The following MUSTN1 variants were observed in gnomAD, a reference collection of about 807,000 sequenced individuals.
MUSTN1 encodes musculoskeletal, embryonic nuclear protein 1.
In MUSTN1, 14 loss-of-function variants were observed where a neutral mutation model predicts 11.8. The observed-to-expected ratio is 1.18, with a 90% confidence interval of 0.78 to 1.85. The LOEUF (loss-of-function observed/expected upper bound fraction) is 1.85, where lower values mean the gene tolerates loss of function less well. MUSTN1 is among the 40% of genes most tolerant of loss of function. The pLI, the probability that MUSTN1 is intolerant of heterozygous loss-of-function variation, is 0.00. For synonymous variants in MUSTN1, 42 were observed against 43.3 expected (o/e 0.97, Z 0.12); for missense variants, 111 against 108.8 (o/e 1.02, Z -0.09).
chr3:52,833,377 C>A lies in MUSTN1; in HGVS notation c.196G>T (p.Glu66Ter). The A allele has an allele frequency of 4.3e-6, 7 of 1,613,940 alleles. No homozygotes were observed. Among genetic ancestry groups the A allele is most frequent in the Non-Finnish European group, 5.9e-6 (7 of 1,179,876 alleles). Residue 66 changes from glutamate (E) to a stop codon, truncating the protein, a stop_gained, in exon 3 of 3, where the codon GAG becomes TAG. Transcript: ENST00000446157. LOFTEE classifies it high-confidence loss of function. ...SVFSRTRTGT[E>*]TVFEKPKAGP... ...GCTTTGGGCTTCTCAAAGACAGTCT[C>A]GGTACCTGTGCGGGTGCGGCTGAAC...
rs924539749 is a variant in MUSTN1 at position 52,833,437 on chromosome 3, G to A, written c.143-7C>T. On this transcript the variant is annotated splice_region_variant and splice_polypyrimidine_tract_variant and intron_variant, in intron 2 of 2. Coordinates refer to ENST00000446157, the MANE Select transcript of MUSTN1 (RefSeq NM_205853.4). ...GCGGCCGAGCCAGCTTGCTCTGTGG[G>A]AGGAGGTAAAGTCAGGGGCCAGCCT... 1 of 1,610,514 alleles carries A rather than the reference G, an allele frequency of 6.2e-7. No individual in the cohort carries two copies. The highest frequency in any genetic ancestry group is 1.3e-5 in the African/African-American group (1 of 74,924).
chr3:52,834,044 G>A lies in MUSTN1; in HGVS notation c.10-295C>T, dbSNP rs532756678. Among the ~76,000 whole-genome samples, 20 of 152,296 alleles carry A rather than the reference G, an allele frequency of 1.3e-4. No individual in the cohort carries two copies. The East Asian group carries it at 3.7e-3, about 28-fold the overall frequency. ...GGCTACCTGGTCAAGCTCAGGACTG[G>A]GCACAGTGGGGAACAGCGAAGGGGA... On this transcript the variant is annotated intron_variant, in intron 1 of 2. Transcript: ENST00000446157.
chr3:52,833,271 G>C lies in MUSTN1; in HGVS notation c.*53C>G. On this transcript the variant is annotated 3_prime_UTR_variant, in exon 3 of 3. Coordinates refer to ENST00000446157, the MANE Select transcript of MUSTN1 (RefSeq NM_205853.4). ...TTCTGGCATAAAAAAGAGTTCCTGG[G>C]AAAGGCTCCTGTTTCCGAGCATTCG... 3 of 1,609,680 alleles carry C rather than the reference G, an allele frequency of 1.9e-6. No individual in the cohort carries two copies. The highest frequency in any genetic ancestry group is 1.7e-6 in the Non-Finnish European group (2 of 1,177,758).
At position 52,833,350 on chromosome 3, in the gene MUSTN1, C is replaced by T. The variant is rs201153207; in HGVS notation, c.223G>A (p.Gly75Arg). The change falls in exon 3 of 3, where the codon GGA (glycine) becomes AGA (arginine). Residue 75 changes from glycine (G) to arginine (R), a missense_variant. By Grantham distance (125) the Gly-to-Arg change is moderately radical. Coordinates refer to ENST00000446157, the MANE Select transcript of MUSTN1 (RefSeq NM_205853.4). ...TETVFEKPKA[G>R]PTKSVFG ...CAGCCGAAGACACTCTTGGTGGGTC[C>T]GGCTTTGGGCTTCTCAAAGACAGTC... 8.9e-5 allele frequency: 143 copies of T among 1,613,844 alleles called. No homozygotes were observed. Among genetic ancestry groups the T allele is most frequent in the South Asian group, 7.7e-5 (7 of 91,054 alleles).
At chr3:52,834,727 C>T in intron 1 of MUSTN1, 1 of 693,620 alleles carries the variant, frequency 1.4e-6, no homozygotes, top group Non-Finnish European at 2.6e-6. Flanking sequence ...CATTTCTCTC[C>T]ACTCCTCCTA....
chr3:52,833,476 G>A (rs774703171), intron 2 of MUSTN1, 46 bp from the exon 3 acceptor site: 12 of 1,597,622 alleles, frequency 7.5e-6, no homozygotes, highest in African/African-American at 1.3e-5. Context: ...TTCCTGGGAG[G>A]GAAGATCCCT....
Position 52,833,760 on chromosome 3 carries a change from C to G in MUSTN1, c.10-11G>C. 6.4e-7 allele frequency: 1 copy of G among 1,572,042 alleles called. No individual in the cohort carries two copies. The highest frequency in any genetic ancestry group is 8.6e-7 in the Non-Finnish European group (1 of 1,158,200). The stretch of plus-strand genomic sequence containing the variant: ...TTCCTGAGCACCAGCCTTGGAGATC[C>G]AAGAGCCTCATCTTACTACCTGAAG... On this transcript the variant is annotated splice_polypyrimidine_tract_variant and intron_variant, in intron 1 of 2. Coordinates refer to ENST00000446157, the MANE Select transcript of MUSTN1 (RefSeq NM_205853.4).
Position 52,833,299 on chromosome 3 carries a change from C to T in MUSTN1, c.*25G>A. The stretch of plus-strand genomic sequence containing the variant: ...AGGCTCCTGTTTCCGAGCATTCGGG[C>T]AGCAAGGGGAGTGGCGCACACTTCT... On this transcript the variant is annotated 3_prime_UTR_variant, in exon 3 of 3. Coordinates refer to ENST00000446157, the MANE Select transcript of MUSTN1 (RefSeq NM_205853.4). The T allele has an allele frequency of 6.2e-7, 1 of 1,613,564 alleles. No individual in the cohort carries two copies. The highest frequency in any genetic ancestry group is 8.5e-7 in the Non-Finnish European group (1 of 1,179,796).
Position 52,833,620 on chromosome 3 carries a change from ACT to A in MUSTN1, c.137_138del (p.Glu46ValfsTer2). ...IKSKTYQVMR[E>X]CEQAGSAAPS... ...CAGATGGCATGAGGACACTCACCAC[ACT>A]CTCGCATGACCTGGTAGGTCTTGGA... is the stretch of plus-strand genomic sequence containing the variant. On this transcript the variant is annotated frameshift_variant, in exon 2 of 3. Coordinates refer to ENST00000446157, the MANE Select transcript of MUSTN1 (RefSeq NM_205853.4). LOFTEE classifies it high-confidence loss of function. 1 of 1,609,756 alleles carries A rather than the reference ACT, an allele frequency of 6.2e-7. No individual in the cohort carries two copies. The highest frequency in any genetic ancestry group is 1.3e-5 in the African/African-American group (1 of 74,576).
rs1174104274 is a variant in MUSTN1, at chr3:52,833,387, G to A, written c.186C>T (p.Arg62=). Residue 62 remains arginine (R), a synonymous_variant, in exon 3 of 3, where the codon CGC becomes CGT. Coordinates refer to ENST00000446157, the MANE Select transcript of MUSTN1 (RefSeq NM_205853.4). The part of the protein sequence containing the change: ...SAAPSVFSRT[R]TGTETVFEKP... ...TCTCAAAGACAGTCTCGGTACCTGT[G>A]CGGGTGCGGCTGAACACCGACGGGG... The A allele has an allele frequency of 6.2e-7, 1 of 1,613,794 alleles. No homozygotes were observed. Among genetic ancestry groups the A allele is most frequent in the Non-Finnish European group, 8.5e-7 (1 of 1,179,836 alleles).
Position 52,833,291 on chromosome 3 carries a change from C to T in MUSTN1, c.*33G>A, listed in dbSNP as rs778772938. On this transcript the variant is annotated 3_prime_UTR_variant, in exon 3 of 3. Coordinates refer to ENST00000446157, the MANE Select transcript of MUSTN1 (RefSeq NM_205853.4). ...CCTGGGAAAGGCTCCTGTTTCCGAG[C>T]ATTCGGGCAGCAAGGGGAGTGGCGC... 6.2e-7 allele frequency: 1 copy of T among 1,613,436 alleles called. No homozygotes were observed.
chr3:52,833,545 G>A, intron 2 of MUSTN1, 72 bp downstream of exon 2: 2 of 1,584,268 alleles, frequency 1.3e-6, no homozygotes, highest in Non-Finnish European at 1.7e-6. Flanking sequence ...AAGGATCCTT[G>A]ACCACCTCCC....
Position 52,833,763 on chromosome 3 carries a change from GAGCCTCATCTTACTACCTGA to G in MUSTN1, c.10-34_10-15del, listed in dbSNP as rs1194797325. On this transcript the variant is annotated splice_polypyrimidine_tract_variant and intron_variant, in intron 1 of 2. Coordinates refer to ENST00000446157, the MANE Select transcript of MUSTN1 (RefSeq NM_205853.4). ...CTGAGCACCAGCCTTGGAGATCCAA[GAGCCTCATCTTACTACCTGA>G]AGCCTCGGTAGAAAGGCACACCTAC... is the stretch of plus-strand genomic sequence containing the variant. 1 of 1,571,182 alleles carries G rather than the reference GAGCCTCATCTTACTACCTGA, an allele frequency of 6.4e-7. No individual in the cohort carries two copies. The highest frequency in any genetic ancestry group is 1.9e-5 in the Admixed American group (1 of 53,530).
At position 52,833,394 on chromosome 3, in the gene MUSTN1, CG is replaced by C. The variant is rs756159376; in HGVS notation, c.178del (p.Arg60AlafsTer?). The C allele has an allele frequency of 7.4e-6, 12 of 1,613,626 alleles. No individual in the cohort carries two copies. On this transcript the variant is annotated frameshift_variant, in exon 3 of 3. Coordinates refer to ENST00000446157, the MANE Select transcript of MUSTN1 (RefSeq NM_205853.4). LOFTEE classifies it high-confidence loss of function. Reference protein sequence around the residue: ...AGSAAPSVFSRTRTGTETVFE... With the variant: ...AGSAAPSVFSXTRTGTETVFE... The stretch of plus-strand genomic sequence containing the variant: ...GACAGTCTCGGTACCTGTGCGGGTG[CG>C]GCTGAACACCGACGGGGCGGCCGAG...
At position 52,833,417 on chromosome 3, in the gene MUSTN1, C is replaced by G. The variant is rs763855035; in HGVS notation, c.156G>C (p.Ser52=). The G allele has an allele frequency of 7.4e-6, 12 of 1,612,746 alleles. No homozygotes were observed. In the East Asian group the frequency reaches 8.9e-5, roughly 12 times the overall value. ...TGCGGCTGAACACCGACGGGGCGGC[C>G]GAGCCAGCTTGCTCTGTGGGAGGAG... ...QVMRECEQAG[S]AAPSVFSRTR... Residue 52 remains serine (S), a synonymous_variant, in exon 3 of 3, where the codon TCG becomes TCC. Coordinates refer to ENST00000446157, the MANE Select transcript of MUSTN1 (RefSeq NM_205853.4).
At chr3:52,834,784 A>G in intron 1 of MUSTN1, 156 bp downstream of exon 1, 1 of 863,930 alleles carries the variant, frequency 1.2e-6, no homozygotes, top group Non-Finnish European at 1.9e-6. Context: ...GGGGTTCTTC[A>G]GGGGGTCCTC....
At chr3:52,834,280 A>G (rs554311877) in intron 1 of MUSTN1, among the ~76,000 whole-genome samples, 60 of 152,254 alleles carry the variant, frequency 3.9e-4, no homozygotes, top group African/African-American at 1.3e-3. Flanking sequence ...CAGCAAGGAC[A>G]GTCCTCTCTC....
At position 52,833,164 on chromosome 3, in the gene MUSTN1, G is replaced by A; in HGVS notation, c.*160C>T. Reference sequence around the variant, plus strand: ...CATCCTCTTTATTGGTGCTTCCAAGGTGCTGGTGCAGAGCCCTTGGCTGAA... The same window carrying A: ...CATCCTCTTTATTGGTGCTTCCAAGATGCTGGTGCAGAGCCCTTGGCTGAA... On this transcript the variant is annotated 3_prime_UTR_variant, in exon 3 of 3. Coordinates refer to ENST00000446157, the MANE Select transcript of MUSTN1 (RefSeq NM_205853.4). 1.9e-6 allele frequency: 2 copies of A among 1,065,216 alleles called. No individual in the cohort carries two copies. Among genetic ancestry groups the A allele is most frequent in the South Asian group, 2.7e-5 (2 of 74,742 alleles). 66.0% of individuals were successfully genotyped at this position (1,065,216 alleles called of 1,614,324 possible).
chr3:52,833,208 A>C lies in MUSTN1; in HGVS notation c.*116T>G. 1.4e-6 allele frequency: 2 copies of C among 1,447,392 alleles called. No individual in the cohort carries two copies. The highest frequency in any genetic ancestry group is 1.9e-6 in the Non-Finnish European group (2 of 1,055,756). The allele number at this position is 1,447,392 out of a possible 1,614,324, so 89.7% of individuals were successfully genotyped here. Reference sequence around the variant, plus strand: ...GGCTGAAGGGCCTGGACTGTGGGGGAGGGTGGCAGCCCCAGAGACAGCAGG... The same window carrying C: ...GGCTGAAGGGCCTGGACTGTGGGGGCGGGTGGCAGCCCCAGAGACAGCAGG... On this transcript the variant is annotated 3_prime_UTR_variant, in exon 3 of 3. Coordinates refer to ENST00000446157, the MANE Select transcript of MUSTN1 (RefSeq NM_205853.4).
Sources: gnomAD v4.1 joint callset for allele counts (sites outside exome capture counted in the v4.1 genomes callset) on GRCh38, gnomAD v4.1.1 for gene constraint, MANE v1.5 for transcripts, NCBI Gene and HGNC (gene_info 2026-07-23, HGNC 2026-07-21) for gene names.